LRRC17: variants seen among roughly 807,000 people sequenced by gnomAD.
LRRC17 encodes the protein leucine-rich repeat-containing protein 17.
A neutral mutation model predicts 41.5 loss-of-function variants in LRRC17; 33 were observed. The observed-to-expected ratio is 0.80, with a 90% confidence interval of 0.60 to 1.06. The LOEUF (loss-of-function observed/expected upper bound fraction) is 1.06, where lower values mean the gene tolerates loss of function less well. Ranked by LOEUF, LRRC17 falls within the 50% of genes least tolerant of loss-of-function variation. The probability of loss-of-function intolerance (pLI) is 0.00; values close to 1 mark genes in which losing one functional copy is unlikely to be tolerated. For synonymous variants in LRRC17, 192 were observed against 197.0 expected, an observed-to-expected ratio of 0.97 and a Z score of 0.21; for missense variants, 491 against 519.3, an observed-to-expected ratio of 0.95 and a Z score of 0.53.
At chr7:102,924,428 T>C (rs1388371802) in intron 1 of LRRC17, among the ~76,000 whole-genome samples, 1 of 152,014 alleles carries the variant, frequency 6.6e-6, no homozygotes, top group Non-Finnish European at 1.5e-5. Context: ...AGCAAATGTA[T>C]ATTAAATGCC....
chr7:102,930,486 A>C (rs1366188131), intron 1 of LRRC17, among the ~76,000 whole-genome samples: 2 of 152,166 alleles, frequency 1.3e-5, no homozygotes, highest in Non-Finnish European at 2.9e-5. Context: ...TCCACTTCAC[A>C]ATTCATTGCA....
chr7:102,930,273 G>T (rs1442256684), intron 1 of LRRC17, among the ~76,000 whole-genome samples: 1 of 152,296 alleles, frequency 6.6e-6, no homozygotes, highest in Non-Finnish European at 1.5e-5. Flanking sequence ...GGTGCCTCAT[G>T]ATTGGCATTC....
rs543255815 is a variant in LRRC17 at position 102,944,312 on chromosome 7, T to C, written c.1031T>C (p.Leu344Pro). The part of the protein sequence containing the change: ...GVLEDLYFLK[L>P]LWLRDNPWRC... ...TTAGAAGACTTGTATTTTTTGAAAC[T>C]CTTGTGGCTCAGAGATAACCCTTGG... Residue 344 changes from leucine to proline, a missense_variant, in exon 4 of 4, where the codon CTC becomes CCC. By Grantham distance (98) the Leu-to-Pro change is moderately conservative (BLOSUM62 -3). Coordinates refer to ENST00000339431, the MANE Select transcript of LRRC17 (RefSeq NM_001031692.3). 1 of 1,614,062 alleles carries C rather than the reference T, an allele frequency of 6.2e-7. No individual in the cohort carries two copies. Among genetic ancestry groups the C allele is most frequent in the South Asian group, 1.1e-5 (1 of 91,066 alleles).
intron 1 of LRRC17, among the ~76,000 whole-genome samples, chr7:102,920,196 C>T (rs1816706706): frequency 6.6e-6 from 1 of 152,138 alleles, no homozygotes; most frequent in South Asian, 2.1e-4. Flanking sequence ...TTTTTAAAAA[C>T]ATGCCAATAG....
intron 3 of LRRC17, among the ~76,000 whole-genome samples, chr7:102,940,109 GTC>G (rs2129475183): frequency 6.6e-6 from 1 of 152,004 alleles, no homozygotes; most frequent in Admixed American, 6.5e-5. Flanking sequence ...GGTCAGGCTG[GTC>G]TCAAACTCCT....
chr7:102,920,810 C>T (rs1342197986), intron 1 of LRRC17, among the ~76,000 whole-genome samples: 2 of 152,038 alleles, frequency 1.3e-5, no homozygotes, highest in African/African-American at 4.8e-5. Context: ...GTAGTTATTC[C>T]ACAAAAAGAA....
chr7:102,915,115 T>C (rs923061802), intron 1 of LRRC17, among the ~76,000 whole-genome samples: 5 of 148,314 alleles, frequency 3.4e-5, no homozygotes, highest in South Asian at 2.1e-4. Flanking sequence ...TAAGTGGAGA[T>C]TAAAATATTT....
chr7:102,929,011 A>T (rs1818641954), intron 1 of LRRC17, among the ~76,000 whole-genome samples: 1 of 152,218 alleles, frequency 6.6e-6, no homozygotes, highest in Admixed American at 6.5e-5. Context: ...ATGTTAAAGT[A>T]CAAGCCACTG....
chr7:102,929,873 A>C (rs1215724807), intron 1 of LRRC17, among the ~76,000 whole-genome samples: 1 of 152,020 alleles, frequency 6.6e-6, no homozygotes, highest in African/African-American at 2.4e-5. Flanking sequence ...TGTACACTTT[A>C]AGTGGGTAAA....
intron 1 of LRRC17, among the ~76,000 whole-genome samples, chr7:102,920,276 T>C (rs764122572): frequency 5.9e-5 from 9 of 152,192 alleles, no homozygotes; most frequent in East Asian, 1.9e-4. Flanking sequence ...CAAGTAAACA[T>C]AGTTCACAGA....
chr7:102,940,291 G>A (rs12532495), intron 3 of LRRC17, among the ~76,000 whole-genome samples: 28,746 of 148,364 alleles, frequency 0.19, 2,926 homozygotes, highest in East Asian at 0.43. Context: ...CTCACTGCAA[G>A]CTCCGCCTCC....
chr7:102,940,054 C>G (rs1400982099), intron 3 of LRRC17, among the ~76,000 whole-genome samples: 3 of 151,742 alleles, frequency 2.0e-5, no homozygotes, highest in African/African-American at 7.3e-5. Flanking sequence ...GCCACCAGGC[C>G]TGGCTAATTT....
chr7:102,944,063 G>A, intron 3 of LRRC17, 147 bp from the exon 4 acceptor site: 4 of 631,452 alleles, frequency 6.3e-6, no homozygotes, highest in Non-Finnish European at 1.0e-5. Context: ...TAAAGTAAAA[G>A]CTCTGAGAAA....
At chr7:102,941,138 C>T (rs1821343445) in intron 3 of LRRC17, among the ~76,000 whole-genome samples, 1 of 152,162 alleles carries the variant, frequency 6.6e-6, no homozygotes, top group African/African-American at 2.4e-5. Flanking sequence ...TATACCTTAG[C>T]TTGTTACAGA....
chr7:102,920,373 T>G (rs1347653464), intron 1 of LRRC17, among the ~76,000 whole-genome samples: 1 of 139,264 alleles, frequency 7.2e-6, no homozygotes, highest in Non-Finnish European at 1.5e-5. Flanking sequence ...ATACACTCAG[T>G]TTTTTTTTTC....
intron 1 of LRRC17, among the ~76,000 whole-genome samples, chr7:102,921,044 C>T (rs527399894): frequency 5.3e-5 from 8 of 151,988 alleles, no homozygotes; most frequent in South Asian, 2.1e-4. Context: ...CCCAGCTACT[C>T]GGGAGGCTGA....
rs538747820 is a variant in LRRC17, at chr7:102,916,801, T to G, written c.-141+3656T>G. ...GATAACTGTTTCTTATGGGGGGGGG[T>G]GTGAGTCCTCTCTTTGTGATTTATT... On this transcript the variant is annotated intron_variant, in intron 1 of 3. Transcript: ENST00000339431. Among the ~76,000 whole-genome samples, 589 of 145,936 alleles carry G rather than the reference T, an allele frequency of 4.0e-3. 5 individuals are homozygous for G. Among genetic ancestry groups the G allele is most frequent in the African/African-American group, 0.014 (560 of 38,722 alleles).
chr7:102,932,755 C>A (rs1472268271), intron 1 of LRRC17, among the ~76,000 whole-genome samples: 6 of 151,982 alleles, frequency 3.9e-5, no homozygotes, highest in Admixed American at 2.0e-4. Context: ...ACTACAGGTG[C>A]ATACCACCAT....
intron 3 of LRRC17, among the ~76,000 whole-genome samples, chr7:102,943,244 T>A (rs1821800607): frequency 6.6e-6 from 1 of 152,162 alleles, no homozygotes; most frequent in South Asian, 2.1e-4. Flanking sequence ...ACCCGGCACA[T>A]TTTTCATTTT....
Sources: gnomAD v4.1 joint callset for allele counts (sites outside exome capture counted in the v4.1 genomes callset) on GRCh38, gnomAD v4.1.1 for gene constraint, MANE v1.5 for transcripts, NCBI Gene and HGNC (gene_info 2026-07-23, HGNC 2026-07-21) for gene names.